KIF2A: variants seen among roughly 807,000 people sequenced by gnomAD.
KIF2A encodes kinesin-like protein KIF2A.
A neutral mutation model predicts 100.2 loss-of-function variants in KIF2A; 22 were observed. The observed-to-expected ratio is 0.22, with a 90% confidence interval of 0.16 to 0.31. The LOEUF (loss-of-function observed/expected upper bound fraction) is 0.31, where lower values mean the gene tolerates loss of function less well. KIF2A is among the 10% of genes least tolerant of loss of function. The probability of loss-of-function intolerance (pLI) is 1.00; values close to 1 mark genes in which losing one functional copy is unlikely to be tolerated. For missense variants in KIF2A, 495 were observed against 898.7 expected, an observed-to-expected ratio of 0.55 and a Z score of 5.74; for synonymous variants, 268 against 285.9, an observed-to-expected ratio of 0.94 and a Z score of 0.63.
chr5:62,310,931 G>C (rs1340318979), intron 1 of KIF2A, among the ~76,000 whole-genome samples: 1 of 152,064 alleles, frequency 6.6e-6, no homozygotes, highest in African/African-American at 2.4e-5. Context: ...TTGGGGACTG[G>C]GGAAGAAATG....
At chr5:62,364,310 G>A (rs562756112) in intron 14 of KIF2A, among the ~76,000 whole-genome samples, 1 of 152,200 alleles carries the variant, frequency 6.6e-6, no homozygotes, top group South Asian at 2.1e-4. Flanking sequence ...ACCACACCCA[G>A]CTAATTTTTG....
intron 1 of KIF2A, among the ~76,000 whole-genome samples, chr5:62,331,363 A>G (rs562345563): frequency 9.9e-5 from 15 of 151,968 alleles, no homozygotes; most frequent in African/African-American, 3.4e-4. Flanking sequence ...GTGAGCTGAG[A>G]TCGTGCCATT....
chr5:62,356,027 C>A (rs145038131), intron 7 of KIF2A, among the ~76,000 whole-genome samples: 85 of 152,182 alleles, frequency 5.6e-4, no homozygotes, highest in Middle Eastern at 3.4e-3. Flanking sequence ...GTGATCCACC[C>A]GCCTCGGTCT....
At chr5:62,327,438 T>A (rs1561253379) in intron 1 of KIF2A, among the ~76,000 whole-genome samples, 1 of 152,222 alleles carries the variant, frequency 6.6e-6, no homozygotes, top group Non-Finnish European at 1.5e-5. Flanking sequence ...CCAGTTTTTA[T>A]CACCTTGGGG....
chr5:62,359,745 A>G (rs1160581008), intron 9 of KIF2A, among the ~76,000 whole-genome samples: 8 of 152,116 alleles, frequency 5.3e-5, no homozygotes, highest in Non-Finnish European at 1.0e-4. Context: ...AACTTTATCA[A>G]TATTTATCCT....
Position 62,387,405 on chromosome 5 carries a change from C to CACA in KIF2A, c.*1840_*1842dup, listed in dbSNP as rs144729575. The CACA allele has an allele frequency of 2.8e-3, 426 of 152,266 alleles. 1 individual carries two copies. The highest frequency in any genetic ancestry group is 1.0e-2 in the African/African-American group (414 of 41,524). The allele number at this position is 152,266 out of a possible 1,614,324, so 9.4% of individuals were successfully genotyped here. A position where few individuals can be genotyped will look rare whatever the true frequency, so the allele number is the denominator to read the frequency against. On this transcript the variant is annotated 3_prime_UTR_variant, in exon 21 of 21. Transcript: ENST00000407818. Reference sequence around the variant, plus strand: ...ACATGTGAATTTGCTCATTTTAAAGCACAACAGATGATTAGCTTCAAATTT... The same window carrying CACA: ...ACATGTGAATTTGCTCATTTTAAAGCACAACAACAGATGATTAGCTTCAAATTT...
chr5:62,363,931 T>G, intron 14 of KIF2A, 32 bp downstream of exon 14: 1 of 1,516,002 alleles, frequency 6.6e-7, no homozygotes, highest in Non-Finnish European at 8.9e-7. Flanking sequence ...ATGAAAGGTC[T>G]TTTACTTTTG....
At chr5:62,350,269 T>C (rs1747783319) in intron 4 of KIF2A, 149 bp downstream of exon 4, 1 of 571,490 alleles carries the variant, frequency 1.7e-6, no homozygotes, top group South Asian at 2.2e-5. Flanking sequence ...TGTTTTGTTT[T>C]GTTTTTTGTT....
chr5:62,307,898 G>T (rs1579989366), intron 1 of KIF2A, among the ~76,000 whole-genome samples: 1 of 152,128 alleles, frequency 6.6e-6, no homozygotes, highest in Non-Finnish European at 1.5e-5. Flanking sequence ...GATTACAGGC[G>T]TGAGCCATCG....
chr5:62,323,439 C>T (rs184243062), intron 1 of KIF2A, among the ~76,000 whole-genome samples: 11 of 151,406 alleles, frequency 7.3e-5, no homozygotes, highest in South Asian at 2.1e-4. Flanking sequence ...AGGAGAATGG[C>T]GTGAACCCAG....
At chr5:62,316,242 G>A (rs1406556022) in intron 1 of KIF2A, among the ~76,000 whole-genome samples, 1 of 152,218 alleles carries the variant, frequency 6.6e-6, no homozygotes. Context: ...GTACTGAGCT[G>A]TAGTGTGTTA....
intron 1 of KIF2A, among the ~76,000 whole-genome samples, chr5:62,319,023 T>A (rs1216504126): frequency 6.6e-6 from 1 of 152,220 alleles, no homozygotes; most frequent in Non-Finnish European, 1.5e-5. Context: ...GGTCTCTTAA[T>A]TTAATGACTC....
intron 16 of KIF2A, among the ~76,000 whole-genome samples, chr5:62,372,076 A>G (rs1362213515): frequency 2.6e-5 from 4 of 152,224 alleles, no homozygotes; most frequent in African/African-American, 9.6e-5. Flanking sequence ...AGACTCATGA[A>G]TGCTAATAAA....
intron 7 of KIF2A, among the ~76,000 whole-genome samples, chr5:62,355,799 CTTTTTTTT>C (rs869252403): frequency 7.3e-6 from 1 of 137,140 alleles, no homozygotes; most frequent in Non-Finnish European, 1.6e-5. Flanking sequence ...CAGGGAGTGC[CTTTTTTTT>C]TTTTTTTTTG....
Position 62,391,003 on chromosome 5 carries a change from A to G in KIF2A, c.*5434A>G, listed in dbSNP as rs1367076435. 6.3e-7 allele frequency: 1 copy of G among 1,596,656 alleles called. No individual in the cohort carries two copies. The highest frequency in any genetic ancestry group is 8.6e-7 in the Non-Finnish European group (1 of 1,164,424). ...ATTATCTATCAATATAAGATTCAGAATAAATGAACGACATATCTTTAATGA... is the reference window on the plus strand; with the variant it reads ...ATTATCTATCAATATAAGATTCAGAGTAAATGAACGACATATCTTTAATGA... On this transcript the variant is annotated 3_prime_UTR_variant, in exon 21 of 21. Transcript: ENST00000407818.
chr5:62,325,940 C>A (rs867251890), intron 1 of KIF2A, among the ~76,000 whole-genome samples: 2 of 152,000 alleles, frequency 1.3e-5, no homozygotes, highest in African/African-American at 4.8e-5. Flanking sequence ...GGGTAAATAC[C>A]GGACACAAAG....
intron 19 of KIF2A, among the ~76,000 whole-genome samples, chr5:62,379,226 T>C (rs1042824898): frequency 1.3e-5 from 2 of 152,332 alleles, no homozygotes; most frequent in Admixed American, 1.3e-4. Context: ...TGTTTATTGG[T>C]AAAATTAGGT....
At chr5:62,380,364 T>C (rs1355651021) in intron 19 of KIF2A, among the ~76,000 whole-genome samples, 1 of 152,208 alleles carries the variant, frequency 6.6e-6, no homozygotes, top group African/African-American at 2.4e-5. Context: ...CTCTCCTCTT[T>C]AATATTGATG....
intron 5 of KIF2A, 27 bp downstream of exon 5, chr5:62,352,737 A>G (rs764593203): frequency 6.3e-7 from 1 of 1,599,238 alleles, no homozygotes; most frequent in Admixed American, 1.7e-5. Flanking sequence ...TCAAGGATTT[A>G]GTCATTTTAG....
Sources: allele counts gnomAD v4.1 joint callset (sites outside exome capture counted in the v4.1 genomes callset), GRCh38; gene constraint gnomAD v4.1.1; transcripts MANE v1.5; gene names NCBI Gene and HGNC (gene_info 2026-07-23, HGNC 2026-07-21).